Variants in MICU1 observed in about 807,000 individuals in gnomAD.
MICU1 encodes mitochondrial calcium uptake 1.
In MICU1, 45 loss-of-function variants were observed where a neutral mutation model predicts 56.8. The observed-to-expected ratio is 0.79, with a 90% confidence interval of 0.62 to 1.02. MICU1 has a LOEUF of 1.02. Among genes scored for constraint, MICU1 ranks in the 50% least tolerant of loss-of-function variants. MICU1 has a pLI of 0.00. For synonymous variants in MICU1, 186 were observed against 195.1 expected, an observed-to-expected ratio of 0.95 and a Z score of 0.39; for missense variants, 504 against 587.1, an observed-to-expected ratio of 0.86 and a Z score of 1.46.
chr10:72,553,215 C>G (rs1336331237), intron 3 of MICU1, among the ~76,000 whole-genome samples: 1 of 149,660 alleles, frequency 6.7e-6, no homozygotes, highest in Non-Finnish European at 1.5e-5. Flanking sequence ...ATAATGGCTA[C>G]AGAAGAAATA....
At chr10:72,580,965 G>GAA (rs533917027) in intron 1 of MICU1, among the ~76,000 whole-genome samples, 1 of 149,914 alleles carries the variant, frequency 6.7e-6, no homozygotes, top group Admixed American at 6.7e-5. Context: ...TTTGAAAACA[G>GAA]AAAAAAAAAG....
chr10:72,416,785 T>G (rs1449915473), intron 9 of MICU1, among the ~76,000 whole-genome samples: 2 of 152,222 alleles, frequency 1.3e-5, no homozygotes, highest in Admixed American at 1.3e-4. Flanking sequence ...CTGGCTCTAA[T>G]CTTCCTCCTT....
At chr10:72,461,127 C>G (rs912244764) in intron 8 of MICU1, among the ~76,000 whole-genome samples, 1 of 152,156 alleles carries the variant, frequency 6.6e-6, no homozygotes, top group African/African-American at 2.4e-5. Context: ...TAATTTTAAT[C>G]TGTTTCTTAA....
chr10:72,541,697 C>T (rs923363890), intron 4 of MICU1, among the ~76,000 whole-genome samples: 1 of 152,166 alleles, frequency 6.6e-6, no homozygotes, highest in Non-Finnish European at 1.5e-5. Context: ...TAATAAACTC[C>T]TGTCCTTCTA....
rs1867220623 is a variant in MICU1, at chr10:72,505,624, A to C, written c.652+2531T>G. Among the ~76,000 whole-genome samples the C allele has an allele frequency of 3.9e-5, 6 of 152,328 alleles. No homozygotes were observed. In the South Asian group the frequency reaches 1.2e-3, roughly 32 times the overall value. Reference sequence around the variant, plus strand: ...GGTACACAACACTATGGAATACTACACGGTCATGAACAAGAATGAAATAAT... The same window carrying C: ...GGTACACAACACTATGGAATACTACCCGGTCATGAACAAGAATGAAATAAT... On this transcript the variant is annotated intron_variant, in intron 6 of 11. Transcript: ENST00000361114.
intron 5 of MICU1, chr10:72,509,280 T>C: frequency 1.3e-6 from 1 of 799,948 alleles, no homozygotes; most frequent in Admixed American, 2.5e-5. Flanking sequence ...AATAATGTCA[T>C]GCAAGCATAA....
At chr10:72,481,292 T>C (rs1866286012) in intron 6 of MICU1, among the ~76,000 whole-genome samples, 1 of 152,258 alleles carries the variant, frequency 6.6e-6, no homozygotes, top group Non-Finnish European at 1.5e-5. Flanking sequence ...AATGTAGCCT[T>C]CAGGGCAATT....
chr10:72,415,294 G>A (rs1402910084), intron 9 of MICU1, among the ~76,000 whole-genome samples: 3 of 151,976 alleles, frequency 2.0e-5, no homozygotes, highest in Admixed American at 1.3e-4. Context: ...GGGATTACAG[G>A]CGTGAGTCAC....
chr10:72,526,078 AT>A (rs893888573), intron 5 of MICU1, among the ~76,000 whole-genome samples: 209 of 148,000 alleles, frequency 1.4e-3, no homozygotes, highest in Middle Eastern at 7.0e-3. Context: ...CCAAAGCCAG[AT>A]TTTTTTTTTT....
At chr10:72,524,074 C>T in intron 5 of MICU1, 1 of 932,372 alleles carries the variant, frequency 1.1e-6, no homozygotes, top group Non-Finnish European at 1.4e-6. Flanking sequence ...ACTGTTGTCT[C>T]ATCAGTCCTG....
At chr10:72,564,019 A>G (rs1018629397) in intron 2 of MICU1, among the ~76,000 whole-genome samples, 2 of 152,216 alleles carry the variant, frequency 1.3e-5, no homozygotes, top group Non-Finnish European at 2.9e-5. Flanking sequence ...TTTTTAAAAA[A>G]TAATATAAGT....
chr10:72,582,377 T>G (rs1840922569), intron 1 of MICU1, among the ~76,000 whole-genome samples: 1 of 152,188 alleles, frequency 6.6e-6, no homozygotes, highest in Admixed American at 6.5e-5. Flanking sequence ...GGCACAAAGA[T>G]GAACAAGACA....
chr10:72,500,042 CACTT>C (rs1211378811), intron 6 of MICU1, among the ~76,000 whole-genome samples: 2 of 151,724 alleles, frequency 1.3e-5, no homozygotes, highest in Non-Finnish European at 2.9e-5. Context: ...ACTGTGAAAA[CACTT>C]AATTCAATTT....
At chr10:72,552,101 T>A (rs924060170) in intron 3 of MICU1, among the ~76,000 whole-genome samples, 1 of 152,196 alleles carries the variant, frequency 6.6e-6, no homozygotes, top group Non-Finnish European at 1.5e-5. Context: ...AAATTACGTA[T>A]CATGGAAACT....
At chr10:72,399,618 C>CT (rs1863384348) in intron 10 of MICU1, among the ~76,000 whole-genome samples, 1 of 151,678 alleles carries the variant, frequency 6.6e-6, no homozygotes, top group Non-Finnish European at 1.5e-5. Flanking sequence ...TGTACTCCAG[C>CT]CTGGGTGACA....
At chr10:72,528,595 A>G (rs1359131165) in intron 5 of MICU1, among the ~76,000 whole-genome samples, 2 of 152,170 alleles carry the variant, frequency 1.3e-5, no homozygotes, top group Admixed American at 6.5e-5. Context: ...GAGTAGTTCA[A>G]ATAAATGTGG....
At chr10:72,506,784 G>A (rs1374229769) in intron 6 of MICU1, among the ~76,000 whole-genome samples, 1 of 152,188 alleles carries the variant, frequency 6.6e-6, no homozygotes, top group African/African-American at 2.4e-5. Context: ...AAGAAATGGT[G>A]GGGCTGGGAT....
intron 8 of MICU1, among the ~76,000 whole-genome samples, chr10:72,424,616 C>CTA: frequency 6.6e-6 from 1 of 152,018 alleles, no homozygotes; most frequent in African/African-American, 2.4e-5. Flanking sequence ...TGTGCCTGGC[C>CTA]TCATATAGTC....
At chr10:72,369,223 C>A (rs1862246444) in intron 11 of MICU1, among the ~76,000 whole-genome samples, 1 of 150,924 alleles carries the variant, frequency 6.6e-6, no homozygotes, top group African/African-American at 2.4e-5. Context: ...TTGCGGCAAT[C>A]ACCAGGAGCT....
Sources: gnomAD v4.1 joint callset for allele counts (sites outside exome capture counted in the v4.1 genomes callset) on GRCh38, gnomAD v4.1.1 for gene constraint, MANE v1.5 for transcripts, NCBI Gene and HGNC (gene_info 2026-07-23, HGNC 2026-07-21) for gene names.